The following WWOX variants were observed in gnomAD, a reference collection of about 807,000 sequenced individuals.
The protein encoded by WWOX is WW domain containing oxidoreductase.
Under a neutral mutation model 46.2 loss-of-function variants are expected in WWOX, and 69 were observed. The observed-to-expected ratio is 1.49, with a 90% confidence interval of 1.23 to 1.82. WWOX has a LOEUF of 1.82. Ranked by LOEUF, WWOX falls within the 40% of genes most tolerant of loss-of-function variation. WWOX has a pLI of 0.00. For missense variants in WWOX, 919 were observed against 542.6 expected, an observed-to-expected ratio of 1.69 and a Z score of -6.89; for synonymous variants, 359 against 202.6, an observed-to-expected ratio of 1.77 and a Z score of -6.56.
At position 78,851,323 on chromosome 16, in the gene WWOX, TA is replaced by T. The variant is rs2052437761; in HGVS notation, c.1057-360283del. 3.9e-5 allele frequency among the ~76,000 whole-genome samples: 6 copies of T among 152,336 alleles called. No homozygotes were observed. In the South Asian group the frequency reaches 1.2e-3, roughly 32 times the overall value. ...ATCACATAGTTTGAAATGCTCTTGT[TA>T]ATCTGAGTAGGAAGAGAGGATGAGA... On this transcript the variant is annotated intron_variant, in intron 8 of 8. Transcript: ENST00000566780.
intron 8 of WWOX, among the ~76,000 whole-genome samples, chr16:79,092,790 C>G (rs531269503): frequency 2.0e-5 from 3 of 152,104 alleles, no homozygotes; most frequent in Non-Finnish European, 4.4e-5. Flanking sequence ...ACATATTATT[C>G]TATGGCTCCT....
chr16:78,435,633 G>A (rs1336662567), intron 8 of WWOX, among the ~76,000 whole-genome samples: 1 of 152,150 alleles, frequency 6.6e-6, no homozygotes, highest in Non-Finnish European at 1.5e-5. Flanking sequence ...CTGGACGTGA[G>A]CATTTCCCTT....
chr16:78,992,651 T>A (rs2046911455), intron 8 of WWOX, among the ~76,000 whole-genome samples: 1 of 152,264 alleles, frequency 6.6e-6, no homozygotes, highest in African/African-American at 2.4e-5. Context: ...TAATGTCTGT[T>A]GTGGAAGTTG....
intron 8 of WWOX, among the ~76,000 whole-genome samples, chr16:78,904,632 G>A (rs529973402): frequency 2.0e-5 from 3 of 152,220 alleles, no homozygotes; most frequent in South Asian, 4.1e-4. Context: ...TATGATTACA[G>A]TGACCACATA....
chr16:78,407,182 G>T (rs1027532158), intron 6 of WWOX, among the ~76,000 whole-genome samples: 1 of 152,090 alleles, frequency 6.6e-6, no homozygotes, highest in African/African-American at 2.4e-5. Flanking sequence ...TCCCTTTTCT[G>T]GGAGGAAAGA....
At chr16:78,253,096 A>C (rs1404313609) in intron 5 of WWOX, among the ~76,000 whole-genome samples, 5 of 152,196 alleles carry the variant, frequency 3.3e-5, no homozygotes. Flanking sequence ...CAAGAAAGTA[A>C]AGATGAATTT....
intron 8 of WWOX, among the ~76,000 whole-genome samples, chr16:79,120,310 A>G (rs2150674216): frequency 6.6e-6 from 1 of 152,302 alleles, no homozygotes; most frequent in South Asian, 2.1e-4. Flanking sequence ...GGTATGCTCA[A>G]GCTATTGCTG....
chr16:78,313,429 C>T (rs547358881), intron 5 of WWOX, among the ~76,000 whole-genome samples: 1 of 152,246 alleles, frequency 6.6e-6, no homozygotes, highest in Admixed American at 6.5e-5. Context: ...TACAGTGGTA[C>T]GATCTTAGCT....
At chr16:78,811,991 A>G (rs1042297849) in intron 8 of WWOX, among the ~76,000 whole-genome samples, 1 of 152,178 alleles carries the variant, frequency 6.6e-6, no homozygotes, top group East Asian at 1.9e-4. Context: ...TTGATAAACT[A>G]TAGCTATTAT....
At chr16:79,198,980 T>A (rs1282819558) in intron 8 of WWOX, among the ~76,000 whole-genome samples, 1 of 152,194 alleles carries the variant, frequency 6.6e-6, no homozygotes, top group African/African-American at 2.4e-5. Context: ...GCCATGTGAT[T>A]TGGTTCAGCT....
At chr16:78,528,045 C>T (rs1329982955) in intron 8 of WWOX, among the ~76,000 whole-genome samples, 1 of 110,654 alleles carries the variant, frequency 9.0e-6, no homozygotes, top group Non-Finnish European at 1.8e-5. Flanking sequence ...GTCGCCCAGG[C>T]TGGAGTGCAG....
chr16:78,216,986 C>T (rs1668367735), intron 5 of WWOX, among the ~76,000 whole-genome samples: 1 of 152,162 alleles, frequency 6.6e-6, no homozygotes, highest in South Asian at 2.1e-4. Context: ...GCCTCCTAAA[C>T]TGCCGGGATT....
intron 5 of WWOX, among the ~76,000 whole-genome samples, chr16:78,271,223 T>C (rs1450306322): frequency 6.6e-6 from 1 of 152,172 alleles, no homozygotes; most frequent in Non-Finnish European, 1.5e-5. Flanking sequence ...CATTCACAGA[T>C]GGTTTTTTTC....
At chr16:78,886,906 G>T (rs141419615) in intron 8 of WWOX, among the ~76,000 whole-genome samples, 12 of 151,832 alleles carry the variant, frequency 7.9e-5, no homozygotes, top group Non-Finnish European at 1.6e-4. Context: ...CTTTTTCCTC[G>T]AACTAGTTCA....
intron 8 of WWOX, among the ~76,000 whole-genome samples, chr16:78,462,380 G>T (rs532781050): frequency 9.9e-5 from 15 of 152,228 alleles, no homozygotes; most frequent in African/African-American, 3.1e-4. Flanking sequence ...ATTTAATGAA[G>T]TGTCTAGTGA....
At chr16:78,470,224 G>A (rs574672789) in intron 8 of WWOX, among the ~76,000 whole-genome samples, 1 of 152,204 alleles carries the variant, frequency 6.6e-6, no homozygotes, top group Non-Finnish European at 1.5e-5. Flanking sequence ...AGGACCATGT[G>A]TGGAGCATTT....
chr16:78,713,333 G>A (rs1272693004), intron 8 of WWOX, among the ~76,000 whole-genome samples: 4 of 149,950 alleles, frequency 2.7e-5, no homozygotes, highest in Admixed American at 6.7e-5. Context: ...TTCTAGACAG[G>A]GCATGGTGTG....
intron 8 of WWOX, among the ~76,000 whole-genome samples, chr16:78,661,127 T>C (rs1178844801): frequency 6.6e-6 from 1 of 152,188 alleles, no homozygotes; most frequent in African/African-American, 2.4e-5. Flanking sequence ...AGGCACTGTG[T>C]ACACCTTTGA....
intron 8 of WWOX, among the ~76,000 whole-genome samples, chr16:78,524,877 T>G (rs1277941306): frequency 6.8e-6 from 1 of 146,562 alleles, no homozygotes; most frequent in African/African-American, 2.5e-5. Context: ...TTTTTTTTTT[T>G]TTTTTTGAGG....
Sources: allele counts gnomAD v4.1 joint callset (sites outside exome capture counted in the v4.1 genomes callset), GRCh38; gene constraint gnomAD v4.1.1; transcripts MANE v1.5; gene names NCBI Gene and HGNC (gene_info 2026-07-23, HGNC 2026-07-21).